The following WDR7 variants were observed in gnomAD, a reference collection of about 807,000 sequenced individuals.
The protein encoded by WDR7 is WD repeat-containing protein 7.
In WDR7, 46 loss-of-function variants were observed where a neutral mutation model predicts 169.4. The ratio of observed to expected loss-of-function variants is 0.27; its 90% CI spans 0.21 to 0.35. WDR7 has a LOEUF of 0.35. WDR7 is among the 10% of genes least tolerant of loss of function. The pLI, the probability that WDR7 is intolerant of heterozygous loss-of-function variation, is 1.00. For missense variants in WDR7, 1,534 were observed against 1,859.3 expected (o/e 0.83, Z 3.22); for synonymous variants, 612 against 666.8 (o/e 0.92, Z 1.27).
Position 56,705,955 on chromosome 18 carries a change from G to A in WDR7, c.1578+9493G>A, listed in dbSNP as rs369626069. ...GGAGGTTGCAGTGAGCTGAGATTGC[G>A]CCACTGTACTCCAGCCTGGGCGACA... On this transcript the variant is annotated intron_variant, in intron 12 of 27. Transcript: ENST00000254442. Among the ~76,000 whole-genome samples, 18 of 152,248 alleles carry A rather than the reference G, an allele frequency of 1.2e-4. No homozygotes were observed. In the East Asian group the frequency reaches 3.1e-3, roughly 26 times the overall value.
intron 20 of WDR7, among the ~76,000 whole-genome samples, chr18:56,865,240 T>C (rs2045866365): frequency 2.0e-5 from 3 of 152,020 alleles, no homozygotes; most frequent in Admixed American, 2.0e-4. Context: ...TAATGACATC[T>C]CTGGACTGAA....
intron 22 of WDR7, among the ~76,000 whole-genome samples, chr18:56,926,330 G>A (rs1490131487): frequency 6.6e-6 from 1 of 152,152 alleles, no homozygotes; most frequent in East Asian, 1.9e-4. Context: ...GTTGGCTTCT[G>A]TTATTGCAGC....
chr18:56,961,774 A>G (rs1227621593), intron 25 of WDR7, among the ~76,000 whole-genome samples: 1 of 152,186 alleles, frequency 6.6e-6, no homozygotes, highest in African/African-American at 2.4e-5. Flanking sequence ...TAAGTACCAA[A>G]TATGCTTATT....
intron 1 of WDR7, among the ~76,000 whole-genome samples, chr18:56,654,016 A>G (rs1490229768): frequency 2.0e-5 from 3 of 152,170 alleles, no homozygotes; most frequent in Non-Finnish European, 2.9e-5. Context: ...TTGTTTCCCC[A>G]CAAATGCTTG....
chr18:56,972,298 G>A (rs377210152), intron 26 of WDR7, among the ~76,000 whole-genome samples: 2 of 152,296 alleles, frequency 1.3e-5, no homozygotes, highest in East Asian at 3.9e-4. Context: ...CTTCTAGTTA[G>A]GAGGAGCAGT....
chr18:56,962,541 A>C lies in WDR7; in HGVS notation c.4164+12A>C, dbSNP rs201129100. On this transcript the variant is annotated intron_variant, in intron 26 of 27. Coordinates refer to ENST00000254442, the MANE Select transcript of WDR7 (RefSeq NM_015285.3). ...CTGGAAAATGTCAGGTAAATAAATC[A>C]TTGTGACTTCCTCTCCATAAAGCGT... is the stretch of plus-strand genomic sequence containing the variant. 1 of 1,610,484 alleles carries C rather than the reference A, an allele frequency of 6.2e-7. No individual in the cohort carries two copies. Among genetic ancestry groups the C allele is most frequent in the African/African-American group, 1.3e-5 (1 of 74,900 alleles).
intron 26 of WDR7, among the ~76,000 whole-genome samples, chr18:57,004,436 T>G (rs1029448486): frequency 2.6e-5 from 4 of 152,140 alleles, no homozygotes; most frequent in Non-Finnish European, 4.4e-5. Context: ...ACTGGCACTA[T>G]AAATTCTACA....
chr18:57,033,226 T>A (rs1343838497), downstream of WDR7: 1 of 152,094 alleles, frequency 6.6e-6, no homozygotes, highest in East Asian at 1.9e-4. Flanking sequence ...AGTGATCGAT[T>A]CTGATGAGGT....
At chr18:57,004,894 T>C (rs2048034026) in intron 26 of WDR7, among the ~76,000 whole-genome samples, 1 of 152,122 alleles carries the variant, frequency 6.6e-6, no homozygotes, top group Admixed American at 6.5e-5. Flanking sequence ...GTCTAAACTT[T>C]CCAAAGATGA....
At chr18:56,684,638 C>A (rs187107023) in intron 5 of WDR7, among the ~76,000 whole-genome samples, 1 of 152,130 alleles carries the variant, frequency 6.6e-6, no homozygotes, top group African/African-American at 2.4e-5. Context: ...GTGGTGCAGG[C>A]CTGCACTAAA....
At chr18:56,660,342 C>A (rs1004911923) in intron 1 of WDR7, among the ~76,000 whole-genome samples, 1 of 152,148 alleles carries the variant, frequency 6.6e-6, no homozygotes, top group Admixed American at 6.5e-5. Context: ...CTGTCAAAAT[C>A]TGCAATCCAA....
chr18:56,793,147 C>T (rs2044521914), intron 19 of WDR7, among the ~76,000 whole-genome samples: 1 of 151,820 alleles, frequency 6.6e-6, no homozygotes, highest in South Asian at 2.1e-4. Flanking sequence ...ATACATACTT[C>T]AGTCTACTGC....
At chr18:56,771,603 C>T (rs28756864) in intron 16 of WDR7, among the ~76,000 whole-genome samples, 2,017 of 143,550 alleles carry the variant, frequency 0.014, 46 homozygotes, top group African/African-American at 0.05. Flanking sequence ...AAATACTGGC[C>T]GGGCACGGTG....
chr18:56,705,902 G>T (rs1398922001), intron 12 of WDR7, among the ~76,000 whole-genome samples: 1 of 152,196 alleles, frequency 6.6e-6, no homozygotes, highest in Non-Finnish European at 1.5e-5. Context: ...GGAGGCTGAG[G>T]CAGGAAAGTC....
chr18:56,829,798 G>A (rs925807708), intron 20 of WDR7, among the ~76,000 whole-genome samples: 1 of 152,182 alleles, frequency 6.6e-6, no homozygotes, highest in Non-Finnish European at 1.5e-5. Flanking sequence ...GCAGGAGAAA[G>A]CGTGTGAATG....
At chr18:57,009,237 AT>A (rs1204500628) in intron 26 of WDR7, among the ~76,000 whole-genome samples, 2 of 152,342 alleles carry the variant, frequency 1.3e-5, no homozygotes, top group East Asian at 3.9e-4. Context: ...ATTTCTTTAT[AT>A]TTTTATTGCA....
intron 14 of WDR7, among the ~76,000 whole-genome samples, chr18:56,745,649 C>A (rs1225634215): frequency 6.6e-6 from 1 of 152,154 alleles, no homozygotes; most frequent in Non-Finnish European, 1.5e-5. Context: ...GACCCCGTTC[C>A]TAACAAGCCA....
At chr18:56,720,861 T>A (rs1429088043) in intron 13 of WDR7, among the ~76,000 whole-genome samples, 1 of 152,090 alleles carries the variant, frequency 6.6e-6, no homozygotes, top group Admixed American at 6.6e-5. Context: ...TCAGTCAATA[T>A]GACATTCAAG....
At chr18:56,914,927 G>A (rs1412664382) in intron 21 of WDR7, among the ~76,000 whole-genome samples, 4 of 152,136 alleles carry the variant, frequency 2.6e-5, no homozygotes, top group African/African-American at 9.7e-5. Context: ...AGAAAAAAAT[G>A]TGCTTTAAAT....
Sources: allele counts gnomAD v4.1 joint callset (sites outside exome capture counted in the v4.1 genomes callset), GRCh38; gene constraint gnomAD v4.1.1; transcripts MANE v1.5; gene names NCBI Gene and HGNC (gene_info 2026-07-23, HGNC 2026-07-21).